The following KLRG1 variants were observed in gnomAD, a reference collection of about 807,000 sequenced individuals.
KLRG1 encodes the protein killer cell lectin-like receptor subfamily G member 1.
In KLRG1, 16 loss-of-function variants were observed where a neutral mutation model predicts 21.8. That is an observed-to-expected ratio of 0.73 (90% confidence interval 0.50 to 1.11). The LOEUF is 1.11. Among genes scored for constraint, KLRG1 ranks in the 50% most tolerant of loss-of-function variants. The pLI is 0.00. For missense variants in KLRG1, 173 were observed against 218.3 expected, an observed-to-expected ratio of 0.79 and a Z score of 1.31; for synonymous variants, 69 against 75.9, an observed-to-expected ratio of 0.91 and a Z score of 0.47.
At chr12:9,076,613 G>A in the KLRG1 span, 1 of 672,244 alleles carries the variant, frequency 1.5e-6, no homozygotes, top group Non-Finnish European at 2.4e-6. Context: ...GATTTTATAA[G>A]ATGCAATATG....
At chr12:9,028,185 C>T in the KLRG1 span, 18 of 598,386 alleles carry the variant, frequency 3.0e-5, no homozygotes, top group Non-Finnish European at 4.7e-5. Context: ...GAGTCTGGCT[C>T]TTGTCACCTA....
At chr12:9,017,582 A>T in the KLRG1 span, among the ~76,000 whole-genome samples, 1 of 152,210 alleles carries the variant, frequency 6.6e-6, no homozygotes, top group African/African-American at 2.4e-5. Context: ...TGATAAAAAC[A>T]GTAAAAAATT....
the KLRG1 span, chr12:9,203,707 A>G: frequency 4.5e-6 from 7 of 1,565,254 alleles, no homozygotes; most frequent in Admixed American, 1.7e-5. Context: ...CATCACCATG[A>G]CCTATAGAGC....
Position 9,010,047 on chromosome 12 carries a change from A to T in KLRG1, c.*510A>T. ...ATTCTGAAGAATAAACCTAGCTGGC[A>T]TGCTGGTGTGTACCTGTAGTCCTAG... On this transcript the variant is annotated 3_prime_UTR_variant, in exon 5 of 5. Transcript: ENST00000356986. 1 of 1,529,106 alleles carries T rather than the reference A, an allele frequency of 6.5e-7. No homozygotes were observed. Among genetic ancestry groups the T allele is most frequent in the Non-Finnish European group, 8.8e-7 (1 of 1,141,840 alleles). 94.7% of individuals were successfully genotyped at this position (1,529,106 alleles called of 1,614,324 possible).
At chr12:9,089,866 A>G in the KLRG1 span, 8 of 1,412,470 alleles carry the variant, frequency 5.7e-6, no homozygotes, top group Non-Finnish European at 6.8e-6. Flanking sequence ...TATATTATAT[A>G]TTATTGTGGA....
At chr12:8,950,801 G>T (rs913882420) in intron 1 of KLRG1, among the ~76,000 whole-genome samples, 5 of 151,934 alleles carry the variant, frequency 3.3e-5, no homozygotes, top group African/African-American at 1.2e-4. Context: ...ACCTTATGAG[G>T]AAGTATCTTA....
the KLRG1 span, chr12:9,166,837 A>G: frequency 6.6e-6 from 1 of 152,236 alleles, no homozygotes; most frequent in Non-Finnish European, 1.5e-5. Flanking sequence ...TCATTTACCA[A>G]CGTGAGAGGG....
the KLRG1 span, chr12:9,112,694 C>T: frequency 1.4e-6 from 1 of 709,460 alleles, no homozygotes; most frequent in Non-Finnish European, 2.3e-6. Context: ...TCACTTCTGC[C>T]ATTTTACAAA....
chr12:8,963,518 G>A (rs1946414399), intron 1 of KLRG1, among the ~76,000 whole-genome samples: 1 of 152,176 alleles, frequency 6.6e-6, no homozygotes, highest in Admixed American at 6.6e-5. Flanking sequence ...GTCTCTGCCA[G>A]GCTTTGGTAT....
At chr12:9,160,624 C>A in the KLRG1 span, 1 of 814,096 alleles carries the variant, frequency 1.2e-6, no homozygotes, top group Non-Finnish European at 1.9e-6. Context: ...AGTGTGACTT[C>A]CAGAATCCTA....
chr12:9,101,794 C>T, the KLRG1 span: 11 of 817,570 alleles, frequency 1.3e-5, no homozygotes, highest in Non-Finnish European at 2.1e-5. Flanking sequence ...TTTTGTTCCA[C>T]AATGAAAAGT....
At chr12:9,133,055 G>A in the KLRG1 span, among the ~76,000 whole-genome samples, 1 of 150,962 alleles carries the variant, frequency 6.6e-6, no homozygotes, top group African/African-American at 2.4e-5. Context: ...AAAGGTGTGG[G>A]TTTTTTTTTC....
the KLRG1 span, chr12:9,107,693 C>T: frequency 1.2e-6 from 2 of 1,600,808 alleles, no homozygotes; most frequent in Non-Finnish European, 1.7e-6. Context: ...CTGAACCTCC[C>T]CATTTTCTAG....
chr12:9,092,535 C>T, the KLRG1 span, among the ~76,000 whole-genome samples: 367 of 152,264 alleles, frequency 2.4e-3, 1 homozygote, highest in African/African-American at 8.6e-3. Context: ...AAACAAGACT[C>T]CAGGAGCCTG....
At chr12:9,148,527 T>C in the KLRG1 span, among the ~76,000 whole-genome samples, 5 of 152,172 alleles carry the variant, frequency 3.3e-5, no homozygotes, top group Admixed American at 3.3e-4. Flanking sequence ...TCTCTAGATA[T>C]TAGTTTTTCC....
chr12:9,151,104 C>A, the KLRG1 span, among the ~76,000 whole-genome samples: 1 of 152,096 alleles, frequency 6.6e-6, no homozygotes, highest in African/African-American at 2.4e-5. Flanking sequence ...AAAACATTTT[C>A]TTTGTTTTAT....
chr12:8,971,599 T>C (rs893615556), intron 1 of KLRG1, among the ~76,000 whole-genome samples: 1 of 137,262 alleles, frequency 7.3e-6, no homozygotes, highest in African/African-American at 2.7e-5. Context: ...CAAGCGATTC[T>C]CCTGCCTCAG....
chr12:9,045,970 T>G, the KLRG1 span, among the ~76,000 whole-genome samples: 12 of 151,862 alleles, frequency 7.9e-5, no homozygotes, highest in African/African-American at 2.9e-4. Context: ...CACTTATAAG[T>G]GGGAGCTGAA....
the KLRG1 span, among the ~76,000 whole-genome samples, chr12:9,084,825 G>A: frequency 6.6e-6 from 1 of 152,034 alleles, no homozygotes; most frequent in Non-Finnish European, 1.5e-5. Flanking sequence ...TGAAAGTGAA[G>A]AGAAGGAAAA....
Sources: gnomAD v4.1 joint callset for allele counts (sites outside exome capture counted in the v4.1 genomes callset) on GRCh38, gnomAD v4.1.1 for gene constraint, MANE v1.5 for transcripts, NCBI Gene and HGNC (gene_info 2026-07-23, HGNC 2026-07-21) for gene names.